The following STK32C variants were observed in gnomAD, a reference collection of about 807,000 sequenced individuals.
STK32C encodes the protein serine/threonine kinase 32C.
A neutral mutation model predicts 56.5 loss-of-function variants in STK32C; 31 were observed. The observed-to-expected ratio is 0.55, with a 90% CI of 0.41 to 0.74. STK32C has a LOEUF of 0.74. STK32C is among the 30% of genes least tolerant of loss of function. The pLI, the probability that STK32C is intolerant of heterozygous loss-of-function variation, is 0.00. For synonymous variants in STK32C, 309 were observed against 289.4 expected (o/e 1.07, Z -0.69); for missense variants, 544 against 676.9 (o/e 0.80, Z 2.18).
At chr10:132,246,224 G>A (rs1416600904) in intron 1 of STK32C, among the ~76,000 whole-genome samples, 1 of 152,178 alleles carries the variant, frequency 6.6e-6, no homozygotes, top group African/African-American at 2.4e-5. Context: ...AGCATGGATG[G>A]GGCAAGAATG....
chr10:132,250,095 C>T lies in STK32C; in HGVS notation c.263-4140G>A, dbSNP rs1162924435. Among the ~76,000 whole-genome samples, 3 of 152,376 alleles carry T rather than the reference C, an allele frequency of 2.0e-5. No homozygotes were observed. In the East Asian group the frequency reaches 5.8e-4, roughly 29 times the overall value. ...ACCAGGAGCCGGTGTCTACGGAGTC[C>T]ATCAAACTCCTCTCATGAGAGTTCC... On this transcript the variant is annotated intron_variant, in intron 1 of 11. Transcript: ENST00000298630.
At chr10:132,316,430 T>C (rs11146326) in intron 1 of STK32C, among the ~76,000 whole-genome samples, 14,982 of 151,974 alleles carry the variant, frequency 0.099, 983 homozygotes, top group South Asian at 0.18. Context: ...CTAGGCAACA[T>C]AGTGAGACCC....
chr10:132,315,972 A>T lies in STK32C; in HGVS notation c.301+15464T>A, dbSNP rs180787937. On this transcript the variant is annotated intron_variant, in intron 1 of 3. Coordinates refer to the STK32C transcript ENST00000368620. ...CAAATAATGAATCACAAGGAAATTT[A>T]AAAATATTCAAATGGAATGATTATA... Among the ~76,000 whole-genome samples, 91 of 152,372 alleles carry T rather than the reference A, an allele frequency of 6.0e-4. 1 individual carries two copies. The highest frequency in any genetic ancestry group is 1.9e-3 in the African/African-American group (80 of 41,598).
chr10:132,259,993 C>T (rs1402472923), intron 1 of STK32C, among the ~76,000 whole-genome samples: 1 of 152,110 alleles, frequency 6.6e-6, no homozygotes, highest in African/African-American at 2.4e-5. Flanking sequence ...GGGCTCCAGA[C>T]CAAGGGCAGA....
chr10:132,250,723 C>T (rs1486143062), intron 1 of STK32C, among the ~76,000 whole-genome samples: 1 of 152,128 alleles, frequency 6.6e-6, no homozygotes, highest in South Asian at 2.1e-4. Context: ...AGAGGAGACC[C>T]GGGCAAGTGT....
At chr10:132,247,893 G>C (rs903559582) in intron 1 of STK32C, among the ~76,000 whole-genome samples, 2 of 152,142 alleles carry the variant, frequency 1.3e-5, no homozygotes, top group African/African-American at 4.8e-5. Context: ...GCTTCAAGGG[G>C]TGAGAGAAGA....
At chr10:132,224,117 G>A (rs1322449955) in intron 8 of STK32C, among the ~76,000 whole-genome samples, 1 of 152,132 alleles carries the variant, frequency 6.6e-6, no homozygotes, top group Admixed American at 6.5e-5. Flanking sequence ...CCGGCAGGGC[G>A]GGCGCACAAG....
chr10:132,258,174 G>A (rs978108139), intron 1 of STK32C, among the ~76,000 whole-genome samples: 4 of 152,232 alleles, frequency 2.6e-5, no homozygotes, highest in Non-Finnish European at 4.4e-5. Context: ...AGAGAGGGGG[G>A]CAGCTGCCTC....
exon 1 of STK32C, chr10:132,331,652 T>C (rs1296239634): frequency 6.2e-7 from 1 of 1,612,808 alleles, no homozygotes; most frequent in Admixed American, 1.7e-5. Flanking sequence ...AGGTGGTGCC[T>C]CAGCAGCAAT....
Position 132,207,892 on chromosome 10 carries a change from TG to T in STK32C, c.*117del. 8.5e-7 allele frequency: 1 copy of T among 1,172,008 alleles called. No homozygotes were observed. The allele number at this position is 1,172,008 out of a possible 1,614,324, so 72.6% of individuals were successfully genotyped here. A position where few individuals can be genotyped will look rare whatever the true frequency, so the allele number is the denominator to read the frequency against. ...GGTGTGAAATGTGTCCGGGGCACTG[TG>T]GGCACCGCCAGCCAGGCTGGGTGGG... On this transcript the variant is annotated 3_prime_UTR_variant, in exon 12 of 12. Coordinates refer to ENST00000298630, the MANE Select transcript of STK32C (RefSeq NM_173575.4).
intron 1 of STK32C, among the ~76,000 whole-genome samples, chr10:132,265,808 G>A (rs1330119427): frequency 2.0e-5 from 3 of 152,146 alleles, no homozygotes; most frequent in East Asian, 1.9e-4. Flanking sequence ...AAAACCCAAC[G>A]CGGGCCCCCT....
Position 132,224,428 on chromosome 10 carries a change from C to T in STK32C, c.972G>A (p.Glu324=). Residue 324 remains glutamate (E), a synonymous_variant, in exon 8 of 12, where the codon GAG becomes GAA. Coordinates refer to ENST00000298630, the MANE Select transcript of STK32C (RefSeq NM_173575.4). The stretch of plus-strand genomic sequence containing the variant: ...TCACCTTCCGCAGCAAGGCCACCAT[C>T]TCCTTGGACCACGTGGGGACATACT... ...SVQYVPTWSK[E]MVALLRKLLT... 5 of 1,554,606 alleles carry T rather than the reference C, an allele frequency of 3.2e-6. No homozygotes were observed. The highest frequency in any genetic ancestry group is 3.5e-6 in the Non-Finnish European group (4 of 1,148,866).
chr10:132,251,943 ACAGGCAGG>A (rs879827773), intron 1 of STK32C, among the ~76,000 whole-genome samples: 3,436 of 147,736 alleles, frequency 0.023, 152 homozygotes, highest in African/African-American at 0.051. Context: ...ACTACCCACC[ACAGGCAGG>A]TCAATGCCCT....
In STK32C at chr10:132,331,463, C is replaced by CG. The variant is rs1457789749; in HGVS notation, c.273dup (p.Gly92ArgfsTer41). 3 of 1,612,454 alleles carry CG rather than the reference C, an allele frequency of 1.9e-6. No homozygotes were observed. Among genetic ancestry groups the CG allele is most frequent in the Non-Finnish European group, 2.5e-6 (3 of 1,179,584 alleles). The stretch of plus-strand genomic sequence containing the variant: ...CGTTTCCTCGCCCCCCTCACTCCTC[C>CG]GTCCAGAGGCAGCCTTACTTCTCCA... On this transcript the variant is annotated frameshift_variant, in exon 1 of 2. Coordinates refer to the STK32C transcript ENST00000368619. LOFTEE classifies it low-confidence loss of function (END_TRUNC).
chr10:132,257,630 G>A (rs1226095111), intron 1 of STK32C, among the ~76,000 whole-genome samples: 7 of 129,598 alleles, frequency 5.4e-5, no homozygotes, highest in Non-Finnish European at 8.3e-5. Context: ...CCCTGCTGCC[G>A]GCCCCCTGCC....
At position 132,269,514 on chromosome 10, in the gene STK32C, T is replaced by A. The variant is rs184058533; in HGVS notation, c.263-23559A>T. On this transcript the variant is annotated intron_variant, in intron 1 of 11. Coordinates refer to ENST00000298630, the MANE Select transcript of STK32C (RefSeq NM_173575.4). ...CAGCAAGCTGCAGCCTCACAGCCAT[T>A]TATCACCATCACTGCTCTGCTAAGA... 2.4e-3 allele frequency among the ~76,000 whole-genome samples: 362 copies of A among 152,292 alleles called. 2 individuals carry two copies. The highest frequency in any genetic ancestry group is 8.5e-3 in the African/African-American group (352 of 41,558).
intron 1 of STK32C, among the ~76,000 whole-genome samples, chr10:132,253,508 GAGGGAGCT>G (rs142765702): frequency 2.2e-4 from 20 of 92,044 alleles, no homozygotes; most frequent in East Asian, 8.1e-4. Context: ...CGAGGGAGCT[GAGGGAGCT>G]GAGGGAGCCG....
At chr10:132,259,354 G>A (rs753459267) in intron 1 of STK32C, among the ~76,000 whole-genome samples, 1 of 152,210 alleles carries the variant, frequency 6.6e-6, no homozygotes, top group African/African-American at 2.4e-5. Context: ...ATGCTGAATT[G>A]TCATCCCCAG....
At position 132,222,993 on chromosome 10, in the gene STK32C, C is replaced by T. The variant is rs750869966; in HGVS notation, c.994-7G>A. 2 of 1,548,186 alleles carry T rather than the reference C, an allele frequency of 1.3e-6. No homozygotes were observed. Among genetic ancestry groups the T allele is most frequent in the Non-Finnish European group, 1.7e-6 (2 of 1,151,348 alleles). ...CGGGGTTCACAGTGAGGAGCTGCAA[C>T]CAGGCATGAGTCAGAGGGTCCAGGG... On this transcript the variant is annotated splice_polypyrimidine_tract_variant and splice_region_variant and intron_variant, in intron 8 of 11. Coordinates refer to ENST00000298630, the MANE Select transcript of STK32C (RefSeq NM_173575.4).
Sources: gnomAD v4.1 joint callset for allele counts (sites outside exome capture counted in the v4.1 genomes callset) on GRCh38, gnomAD v4.1.1 for gene constraint, MANE v1.5 for transcripts, NCBI Gene and HGNC (gene_info 2026-07-23, HGNC 2026-07-21) for gene names.